The following DMD variants were observed in gnomAD, a reference collection of about 807,000 sequenced individuals.
DMD encodes mutant dystrophin.
In DMD, 63 loss-of-function variants were observed where a neutral mutation model predicts 330.1. That is an observed-to-expected ratio of 0.19 (90% CI 0.16 to 0.24). The LOEUF (loss-of-function observed/expected upper bound fraction) is 0.24. DMD is among the 10% of genes least tolerant of loss of function. DMD has a pLI of 1.00. For synonymous variants in DMD, 1,223 were observed against 959.8 expected (o/e 1.27, Z -5.07); for missense variants, 3,344 against 2,684.1 (o/e 1.25, Z -5.43).
intron 1 of DMD, among the ~76,000 whole-genome samples, chrX:33,083,783 C>T (rs2094964516): frequency 9.0e-6 from 1 of 111,683 alleles, no homozygotes; most frequent in African/African-American, 3.3e-5. Flanking sequence ...GTCTCCCAAA[C>T]CAGTAGTCTT....
intron 1 of DMD, chrX:33,128,292 A>G: frequency 1.9e-6 from 2 of 1,065,865 alleles, no homozygotes; most frequent in South Asian, 5.7e-5. Context: ...ATAGCCAAGC[A>G]CAGATAAAGC....
rs368203919 is a variant in DMD at position 33,189,111 on chromosome X, C to T, written c.31+22171G>A. ...TTGAATTCAGATCATTCTCATTCTCCCCTTTGTATATATATATAGATATAT... is the reference window on the plus strand; with the variant it reads ...TTGAATTCAGATCATTCTCATTCTCTCCTTTGTATATATATATAGATATAT... On this transcript the variant is annotated intron_variant, in intron 1 of 78. Coordinates refer to ENST00000357033, the MANE Select transcript of DMD (RefSeq NM_004006.3). Among the ~76,000 whole-genome samples the T allele has an allele frequency of 3.2e-4, 36 of 111,194 alleles. 1 individual carries two copies. In the South Asian group the frequency reaches 4.5e-3, roughly 14 times the overall value.
intron 44 of DMD, among the ~76,000 whole-genome samples, chrX:32,075,458 G>A (rs898362856): frequency 9.0e-6 from 1 of 111,681 alleles, no homozygotes; most frequent in African/African-American, 3.3e-5. Flanking sequence ...TAAAATGAGG[G>A]CATTGGAAGG....
At chrX:31,457,423 C>T (rs73450053) in intron 59 of DMD, among the ~76,000 whole-genome samples, 120 of 111,426 alleles carry the variant, frequency 1.1e-3, no homozygotes, top group African/African-American at 3.8e-3. Flanking sequence ...GGAAATACAG[C>T]GTAAGATAGA....
At chrX:32,846,882 C>A (rs1285568657) in intron 3 of DMD, among the ~76,000 whole-genome samples, 2 of 109,920 alleles carry the variant, frequency 1.8e-5, no homozygotes, top group Admixed American at 2.0e-4. Flanking sequence ...TGGAACATGC[C>A]TGTAGTCTCA....
intron 27 of DMD, among the ~76,000 whole-genome samples, chrX:32,444,297 A>G (rs983658442): frequency 1.6e-4 from 18 of 110,517 alleles, no homozygotes; most frequent in African/African-American, 5.9e-4. Context: ...TGTATCACAC[A>G]TGAGGGCAGA....
intron 18 of DMD, among the ~76,000 whole-genome samples, chrX:32,512,608 G>T (rs185917231): frequency 2.0e-4 from 22 of 112,369 alleles, no homozygotes; most frequent in Non-Finnish European, 7.5e-5. Context: ...AATGAAAATG[G>T]CTAGAAATTA....
At chrX:31,508,100 G>T in intron 55 of DMD, 1 of 570,649 alleles carries the variant, frequency 1.8e-6, no homozygotes, top group Non-Finnish European at 2.8e-6. Flanking sequence ...AGGCTTGACA[G>T]GTGGAAAGTA....
chrX:32,985,834 T>G lies in DMD; in HGVS notation c.93+34305A>C, dbSNP rs1191099493. Among the ~76,000 whole-genome samples, 6 of 111,196 alleles carry G rather than the reference T, an allele frequency of 5.4e-5. No individual in the cohort carries two copies. The Admixed American group carries it at 5.8e-4, about 11-fold the overall frequency. Reference sequence around the variant, plus strand: ...AATTAATTGTTGAAACCTATAAAGGTAAAACACTTCATGTGTGGGCCTGAC... The same window carrying G: ...AATTAATTGTTGAAACCTATAAAGGGAAAACACTTCATGTGTGGGCCTGAC... On this transcript the variant is annotated intron_variant, in intron 2 of 78. Transcript: ENST00000357033.
At chrX:31,396,202 A>T (rs1331071458) in intron 60 of DMD, among the ~76,000 whole-genome samples, 1 of 104,008 alleles carries the variant, frequency 9.6e-6, no homozygotes. Flanking sequence ...CAGTGGCGCG[A>T]TCTCGGCTCA....
At chrX:32,516,281 G>A (rs1343136276) in intron 18 of DMD, among the ~76,000 whole-genome samples, 2 of 111,540 alleles carry the variant, frequency 1.8e-5, no homozygotes, top group Non-Finnish European at 3.8e-5. Flanking sequence ...TTTAGCCTGA[G>A]GGAAACATCA....
intron 44 of DMD, among the ~76,000 whole-genome samples, chrX:32,205,257 C>G (rs1314702459): frequency 1.0e-5 from 1 of 100,420 alleles, no homozygotes; most frequent in Non-Finnish European, 2.0e-5. Context: ...TAAAAAATGT[C>G]CTCAGCATTA....
At chrX:32,775,030 C>A (rs1235238713) in intron 7 of DMD, among the ~76,000 whole-genome samples, 2 of 111,975 alleles carry the variant, frequency 1.8e-5, no homozygotes, top group East Asian at 2.8e-4. Context: ...GGAAACTGGT[C>A]AAAGCAAAGT....
intron 7 of DMD, among the ~76,000 whole-genome samples, chrX:32,807,403 T>C (rs774775648): frequency 9.0e-6 from 1 of 111,418 alleles, no homozygotes; most frequent in Non-Finnish European, 1.9e-5. Context: ...AGAAAGGCTT[T>C]ACAGATATGA....
At chrX:32,345,097 C>G (rs904451965) in intron 39 of DMD, among the ~76,000 whole-genome samples, 1 of 110,950 alleles carries the variant, frequency 9.0e-6, no homozygotes, top group Admixed American at 9.7e-5. Flanking sequence ...CATCTACCTG[C>G]TAGGTGGATC....
intron 1 of DMD, among the ~76,000 whole-genome samples, chrX:33,107,336 A>G (rs2095300057): frequency 2.0e-5 from 2 of 100,331 alleles, no homozygotes; most frequent in Admixed American, 1.1e-4. Flanking sequence ...ACACACACAA[A>G]AAAAACAGCA....
chrX:32,178,981 T>TCTCC (rs1491516171), intron 44 of DMD, among the ~76,000 whole-genome samples: 4 of 98,151 alleles, frequency 4.1e-5, no homozygotes, highest in South Asian at 4.8e-4. Flanking sequence ...TCTCTCTCTC[T>TCTCC]CCCTCTCCTC....
intron 48 of DMD, among the ~76,000 whole-genome samples, chrX:31,853,881 T>C (rs1016746315): frequency 8.9e-6 from 1 of 112,212 alleles, no homozygotes; most frequent in African/African-American, 3.2e-5. Context: ...TACAAGGCAT[T>C]GGCCTCTGGG....
intron 4 of DMD, among the ~76,000 whole-genome samples, chrX:32,831,229 A>G (rs2148896626): frequency 9.0e-6 from 1 of 110,900 alleles, no homozygotes; most frequent in South Asian, 3.7e-4. Context: ...ACTTTCCTTC[A>G]GGAACATGGA....
Sources: allele counts gnomAD v4.1 joint callset (sites outside exome capture counted in the v4.1 genomes callset), GRCh38; gene constraint gnomAD v4.1.1; transcripts MANE v1.5; gene names NCBI Gene and HGNC (gene_info 2026-07-23, HGNC 2026-07-21).